Variants in TMEM8B observed in about 807,000 individuals in gnomAD.
TMEM8B encodes nasopharyngeal carcinoma expressed 6.
TMEM8B carries 29 observed loss-of-function variants against 49.3 expected under a neutral mutation model. The ratio of observed to expected loss-of-function variants is 0.59; its 90% CI spans 0.44 to 0.80. The LOEUF (loss-of-function observed/expected upper bound fraction) is 0.80, where lower values mean the gene tolerates loss of function less well. Ranked by LOEUF, TMEM8B falls within the 30% of genes least tolerant of loss-of-function variation. The pLI, the probability that TMEM8B is intolerant of heterozygous loss-of-function variation, is 0.00. For missense variants in TMEM8B, 575 were observed against 658.5 expected (o/e 0.87, Z 1.39); for synonymous variants, 264 against 272.8 (o/e 0.97, Z 0.32).
At chr9:35,838,210 GTACAAAAGATA>G (rs1465064112) in intron 3 of TMEM8B, among the ~76,000 whole-genome samples, 5 of 152,202 alleles carry the variant, frequency 3.3e-5, no homozygotes, top group Admixed American at 3.3e-4. Context: ...CATTCAAAAG[GTACAAAAGATA>G]TACAGTGGAA....
Position 35,835,039 on chromosome 9 carries a change from A to G in TMEM8B, c.727A>G (p.Ile243Val), listed in dbSNP as rs1372652585. Residue 243 changes from isoleucine to valine, a missense_variant, in exon 3 of 13, where the codon ATC becomes GTC. Physicochemically the swap from Ile to Val is conservative, Grantham distance 29 (BLOSUM62 3). Coordinates refer to ENST00000643932, the MANE Select transcript of TMEM8B (RefSeq NM_001042590.4). ...TTTCCGGTCCGGGGCACCCCCTGTC[A>G]TCAATCCCCTGCATACACACTTCCC... The part of the protein sequence containing the change: ...VYFRSGAPPV[I>V]NPLHTHFPGD... 4.8e-6 allele frequency: 2 copies of G among 415,490 alleles called. No individual in the cohort carries two copies. Among genetic ancestry groups the G allele is most frequent in the Admixed American group, 4.4e-5 (1 of 22,706 alleles). The allele number at this position is 415,490 out of a possible 1,614,324, so 25.7% of individuals were successfully genotyped here. A position where few individuals can be genotyped will look rare whatever the true frequency, so the allele number is the denominator to read the frequency against.
At chr9:35,848,242 G>A (rs1472593890) in intron 10 of TMEM8B, among the ~76,000 whole-genome samples, 1 of 152,160 alleles carries the variant, frequency 6.6e-6, no homozygotes, top group Non-Finnish European at 1.5e-5. Context: ...TGGGTGAGAA[G>A]CATATACCCC....
Position 35,852,912 on chromosome 9 carries a change from C to G in TMEM8B, c.2261C>G (p.Ser754Cys), listed in dbSNP as rs1832279864. 3 of 1,614,108 alleles carry G rather than the reference C, an allele frequency of 1.9e-6. No homozygotes were observed. The highest frequency in any genetic ancestry group is 2.7e-5 in the African/African-American group (2 of 74,928). Residue 754 changes from serine to cysteine, a missense_variant, in exon 11 of 13, where the codon TCC (serine) becomes TGC (cysteine). Coordinates refer to ENST00000643932, the MANE Select transcript of TMEM8B (RefSeq NM_001042590.4). ...CTGCAGTTCTGTGATTTCCTGGGCT[C>G]CTTAATGTCCGTGTGGGTCACTGTC... ...DVLQFCDFLG[S>C]LMSVWVTVIA...
chr9:35,834,019 G>A (rs1375010736), intron 1 of TMEM8B, among the ~76,000 whole-genome samples: 1 of 138,768 alleles, frequency 7.2e-6, no homozygotes, highest in Non-Finnish European at 1.5e-5. Flanking sequence ...GGCTTAAGAC[G>A]CCATGCCAAA....
chr9:35,856,246 C>T lies in TMEM8B; in HGVS notation c.*2406C>T, dbSNP rs1463110873. Reference sequence around the variant, plus strand: ...AAGCTCTTAGAACACTTGTATAGTGCCTAGTCTGGTATGTGATGTGGTCCA... The same window carrying T: ...AAGCTCTTAGAACACTTGTATAGTGTCTAGTCTGGTATGTGATGTGGTCCA... On this transcript the variant is annotated 3_prime_UTR_variant, in exon 13 of 13. Coordinates refer to ENST00000643932, the MANE Select transcript of TMEM8B (RefSeq NM_001042590.4). 1 of 152,164 alleles carries T rather than the reference C, an allele frequency of 6.6e-6. No individual in the cohort carries two copies. The highest frequency in any genetic ancestry group is 2.4e-5 in the African/African-American group (1 of 41,408). 9.4% of individuals were successfully genotyped at this position (152,164 alleles called of 1,614,324 possible).
chr9:35,848,247 T>C (rs1180405362), intron 10 of TMEM8B, among the ~76,000 whole-genome samples: 1 of 152,168 alleles, frequency 6.6e-6, no homozygotes, highest in African/African-American at 2.4e-5. Context: ...GAGAAGCATA[T>C]ACCCCAGTTT....
In TMEM8B at chr9:35,853,102, C is replaced by T. The variant is rs1449844704; in HGVS notation, c.2323-39C>T. On this transcript the variant is annotated intron_variant, in intron 11 of 12. Transcript: ENST00000643932. The surrounding 1 kb of genome is among the most constrained non-coding windows in gnomAD (Gnocchi z 4.2). ...ACCCAGGCCCTGGAGTGCTGTCTGT[C>T]ACCTGGCCCTAGCCCAGCCCTTGAG... 1.2e-6 allele frequency: 2 copies of T among 1,609,116 alleles called. No homozygotes were observed. The highest frequency in any genetic ancestry group is 1.3e-5 in the African/African-American group (1 of 74,852).
In TMEM8B at chr9:35,854,691, T is replaced by A. The variant is rs1832446149; in HGVS notation, c.*851T>A. On this transcript the variant is annotated 3_prime_UTR_variant, in exon 13 of 13. Transcript: ENST00000643932. ...GTGTGTGTGTTTATGTATGTATACG[T>A]ATGCTGAGATGATTTAAATCAGTGA... The A allele has an allele frequency of 6.6e-6, 1 of 152,068 alleles. No individual in the cohort carries two copies. 9.4% of individuals were successfully genotyped at this position (152,068 alleles called of 1,614,324 possible).
intron 9 of TMEM8B, 31 bp downstream of exon 9, chr9:35,846,642 G>GT: frequency 6.4e-7 from 1 of 1,571,272 alleles, no homozygotes; most frequent in Non-Finnish European, 8.6e-7. Flanking sequence ...GCGGGCTGCG[G>GT]TGGACTGGAG....
intron 1 of TMEM8B, among the ~76,000 whole-genome samples, chr9:35,832,880 C>T (rs1037149661): frequency 2.0e-5 from 3 of 152,204 alleles, no homozygotes; most frequent in African/African-American, 7.2e-5. Context: ...GGTCCCATTT[C>T]CCTTTATCCC....
intron 6 of TMEM8B, among the ~76,000 whole-genome samples, chr9:35,843,426 G>T (rs2132313884): frequency 6.6e-6 from 1 of 152,278 alleles, no homozygotes; most frequent in Non-Finnish European, 1.5e-5. Context: ...TAGGGGTCTT[G>T]GTATTTGGAT....
intron 3 of TMEM8B, among the ~76,000 whole-genome samples, chr9:35,837,362 C>T (rs1204434641): frequency 6.6e-6 from 1 of 152,128 alleles, no homozygotes; most frequent in Non-Finnish European, 1.5e-5. Context: ...ATGGCTAACT[C>T]AGCTTGCTAG....
chr9:35,842,393 G>C lies in TMEM8B; in HGVS notation c.1311G>C (p.Glu437Asp). The C allele has an allele frequency of 6.6e-7, 1 of 1,515,144 alleles. No individual in the cohort carries two copies. The highest frequency in any genetic ancestry group is 1.8e-4 in the Middle Eastern group (1 of 5,606). The allele number at this position is 1,515,144 out of a possible 1,614,324, so 93.9% of individuals were successfully genotyped here. The change falls in exon 6 of 13, where the codon GAG becomes GAC. Residue 437 changes from glutamate to aspartate, a missense_variant and splice_region_variant. By Grantham distance (45) the Glu-to-Asp change is conservative (BLOSUM62 2). Transcript: ENST00000643932. The surrounding 1 kb of genome is among the most constrained non-coding windows in gnomAD (Gnocchi z 5.6). ...GCTCTGGTTTCCTCTGCCCCACAGAGTGCCCACAGCCCGGCCTGCTCCGAG... is the reference window on the plus strand; with the variant it reads ...GCTCTGGTTTCCTCTGCCCCACAGACTGCCCACAGCCCGGCCTGCTCCGAG... ...IRFQLCVRLQ[E>D]CPQPGLLRAL...
chr9:35,854,108 T>A lies in TMEM8B; in HGVS notation c.*268T>A. On this transcript the variant is annotated 3_prime_UTR_variant, in exon 13 of 13. Coordinates refer to ENST00000643932, the MANE Select transcript of TMEM8B (RefSeq NM_001042590.4). Reference sequence around the variant, plus strand: ...TCCCTCAGGACCAAGGAGTCCCTCCTGCAGGTGTGGAGCCTTTCCTGGGAT... The same window carrying A: ...TCCCTCAGGACCAAGGAGTCCCTCCAGCAGGTGTGGAGCCTTTCCTGGGAT... 9.6e-7 allele frequency: 1 copy of A among 1,046,252 alleles called. No homozygotes were observed. The highest frequency in any genetic ancestry group is 1.2e-6 in the Non-Finnish European group (1 of 824,672). 64.8% of individuals were successfully genotyped at this position (1,046,252 alleles called of 1,614,324 possible).
intron 6 of TMEM8B, chr9:35,845,251 G>A (rs551159958): frequency 3.7e-5 from 10 of 268,934 alleles, no homozygotes; most frequent in African/African-American, 4.6e-5. Context: ...TGGTTGCTTG[G>A]AAGGCAGTAT....
In TMEM8B at chr9:35,841,570, T is replaced by C; in HGVS notation, c.1085T>C (p.Val362Ala). 2.4e-6 allele frequency: 1 copy of C among 416,870 alleles called. No homozygotes were observed. The highest frequency in any genetic ancestry group is 4.4e-6 in the Non-Finnish European group (1 of 227,140). The allele number at this position is 416,870 out of a possible 1,614,324, so 25.8% of individuals were successfully genotyped here. The change falls in exon 5 of 13, where the codon GTG becomes GCG. Residue 362 changes from valine to alanine, a missense_variant. Transcript: ENST00000643932. The surrounding 1 kb of genome is among the most constrained non-coding windows in gnomAD (Gnocchi z 5.9). ...ACTTACAGGGTTTCAGCACAGCTGG[T>C]GTGTGTGGGGGGCCGTGGGGTATCT... Reference protein sequence around the residue: ...SFTYRVSAQLVCVGGRGVSAC... With the variant: ...SFTYRVSAQLACVGGRGVSAC...
At position 35,853,356 on chromosome 9, in the gene TMEM8B, G is replaced by A. The variant is rs766402427; in HGVS notation, c.2439+99G>A. The A allele has an allele frequency of 6.0e-5, 87 of 1,443,230 alleles. No homozygotes were observed. Among genetic ancestry groups the A allele is most frequent in the Admixed American group, 9.0e-5 (5 of 55,456 alleles). 89.4% of individuals were successfully genotyped at this position (1,443,230 alleles called of 1,614,324 possible). A position where few individuals can be genotyped will look rare whatever the true frequency, so the allele number is the denominator to read the frequency against. The stretch of plus-strand genomic sequence containing the variant: ...AGTTTAAGGTGGGCTTGGCTCTGTC[G>A]TCATCACCTGCTGCTGGCAGTGTCC... On this transcript the variant is annotated intron_variant, in intron 12 of 12. Coordinates refer to ENST00000643932, the MANE Select transcript of TMEM8B (RefSeq NM_001042590.4). This position sits in a 1 kb window ranked among gnomAD's most constrained non-coding sequence, Gnocchi z 4.2.
chr9:35,842,230 AC>A lies in TMEM8B; in HGVS notation c.1310-158del, dbSNP rs1831081152. On this transcript the variant is annotated intron_variant, in intron 5 of 12. Coordinates refer to ENST00000643932, the MANE Select transcript of TMEM8B (RefSeq NM_001042590.4). This position sits in a 1 kb window ranked among gnomAD's most constrained non-coding sequence, Gnocchi z 5.6. ...TTGCATTAGCTGTCACCATTAGGAAACCCCTATAAACCTGGATGCCCCACAC... is the reference window on the plus strand; with the variant it reads ...TTGCATTAGCTGTCACCATTAGGAAACCCTATAAACCTGGATGCCCCACAC... Among the ~76,000 whole-genome samples the A allele has an allele frequency of 6.6e-6, 1 of 151,240 alleles. No individual in the cohort carries two copies. The highest frequency in any genetic ancestry group is 2.1e-4 in the South Asian group (1 of 4,776).
At chr9:35,850,144 T>C (rs1489095621) in intron 10 of TMEM8B, among the ~76,000 whole-genome samples, 1 of 152,202 alleles carries the variant, frequency 6.6e-6, no homozygotes, top group Admixed American at 6.5e-5. Flanking sequence ...TATATTCCAA[T>C]CTGGGCATGG....
Sources: gnomAD v4.1 joint callset for allele counts (sites outside exome capture counted in the v4.1 genomes callset) on GRCh38, gnomAD v4.1.1 for gene constraint, Gnocchi (gnomAD v3.1) non-coding constraint, MANE v1.5 for transcripts, NCBI Gene and HGNC (gene_info 2026-07-23, HGNC 2026-07-21) for gene names.